Variants in CTCFL observed in about 807,000 individuals in gnomAD.
The protein encoded by CTCFL is transcriptional repressor CTCFL.
A neutral mutation model predicts 67.4 loss-of-function variants in CTCFL; 36 were observed. The ratio of observed to expected loss-of-function variants is 0.53; its 90% CI spans 0.41 to 0.71. The LOEUF (loss-of-function observed/expected upper bound fraction) is 0.71, where lower values mean the gene tolerates loss of function less well. Ranked by LOEUF, CTCFL falls within the 30% of genes least tolerant of loss-of-function variation. CTCFL has a pLI of 0.00. For missense variants in CTCFL, 786 were observed against 835.2 expected, an observed-to-expected ratio of 0.94 and a Z score of 0.73; for synonymous variants, 324 against 302.3, an observed-to-expected ratio of 1.07 and a Z score of -0.75.
At position 57,498,522 on chromosome 20, in the gene CTCFL, G is replaced by T; in HGVS notation, c.*28C>A. 1 of 1,600,266 alleles carries T rather than the reference G, an allele frequency of 6.2e-7. No individual in the cohort carries two copies. The highest frequency in any genetic ancestry group is 8.5e-7 in the Non-Finnish European group (1 of 1,171,196). ...CTTCTAACTTGCTTTAGGAATTGGG[G>T]GCAGTGAACACGCAACCCGAATCCC... On this transcript the variant is annotated 3_prime_UTR_variant, in exon 11 of 11. Coordinates refer to ENST00000243914, the MANE Select transcript of CTCFL (RefSeq NM_001386993.1).
rs2068271763 is a variant in CTCFL, at chr20:57,507,460, A to T, written c.1674+1146T>A. 6.2e-6 allele frequency: 4 copies of T among 646,704 alleles called. No homozygotes were observed. The South Asian group carries it at 6.8e-5, about 11-fold the overall frequency. The allele number at this position is 646,704 out of a possible 1,614,324, so 40.1% of individuals were successfully genotyped here. On this transcript the variant is annotated intron_variant, in intron 9 of 10. Coordinates refer to ENST00000243914, the MANE Select transcript of CTCFL (RefSeq NM_001386993.1). ...TTATCCACCTGCCTTGGCCTCCCGA[A>T]GTACTGGGATTACAGGTGTGAGCCC...
chr20:57,503,694 A>G (rs1358489250), intron 9 of CTCFL, 93 bp from the exon 10 acceptor site: 2 of 1,382,226 alleles, frequency 1.4e-6, no homozygotes, highest in Non-Finnish European at 2.0e-6. Flanking sequence ...ATGGAAAGAA[A>G]GAAAAATCCT....
intron 9 of CTCFL, among the ~76,000 whole-genome samples, chr20:57,506,307 T>G (rs1458392959): frequency 4.0e-5 from 6 of 150,106 alleles, no homozygotes; most frequent in African/African-American, 1.5e-4. Flanking sequence ...TTAACTGTTT[T>G]GTTTTGTTTT....
chr20:57,513,678 T>C, intron 7 of CTCFL: 1 of 1,188,578 alleles, frequency 8.4e-7, no homozygotes, highest in South Asian at 1.6e-5. Flanking sequence ...ATGGTCCAGA[T>C]GAAAAATAAA....
rs909097278 is a variant in CTCFL, at chr20:57,506,948, C to A, written c.1674+1658G>T. On this transcript the variant is annotated intron_variant, in intron 9 of 10. Coordinates refer to ENST00000243914, the MANE Select transcript of CTCFL (RefSeq NM_001386993.1). ...TCCCACTGTGCTACTCAGAAAAACA[C>A]AACTACACTACTGTTTTAAGAAGAA... is the stretch of plus-strand genomic sequence containing the variant. 5 of 984,872 alleles carry A rather than the reference C, an allele frequency of 5.1e-6. No individual in the cohort carries two copies. In the African/African-American group the frequency reaches 7.0e-5, roughly 14 times the overall value. The allele number at this position is 984,872 out of a possible 1,614,324, so 61.0% of individuals were successfully genotyped here. A position where few individuals can be genotyped will look rare whatever the true frequency, so the allele number is the denominator to read the frequency against.
At chr20:57,504,936 C>T (rs1235707109) in intron 9 of CTCFL, among the ~76,000 whole-genome samples, 1 of 151,930 alleles carries the variant, frequency 6.6e-6, no homozygotes. Flanking sequence ...TTGTCTGTAG[C>T]TTCTGCTTCC....
chr20:57,519,042 G>C (rs1384713400), intron 4 of CTCFL, 151 bp from the exon 5 acceptor site: 4 of 1,211,510 alleles, frequency 3.3e-6, no homozygotes, highest in Non-Finnish European at 4.6e-6. Context: ...ATGCATGTGA[G>C]AAAAATCTTT....
chr20:57,503,292 C>G, intron 10 of CTCFL, 144 bp downstream of exon 10: 11 of 918,884 alleles, frequency 1.2e-5, no homozygotes, highest in Non-Finnish European at 1.8e-5. Flanking sequence ...TCTGAGAGAT[C>G]TGGCACAAGC....
At chr20:57,503,634 G>T (rs6128059) in intron 9 of CTCFL, 33 bp from the exon 10 acceptor site, 3 of 1,611,026 alleles carry the variant, frequency 1.9e-6, no homozygotes, top group Non-Finnish European at 2.5e-6. Flanking sequence ...CACACAAGGC[G>T]AGTGAGATGG....
At chr20:57,512,807 G>GCT (rs2068651153) in intron 7 of CTCFL, 55 bp from the exon 8 acceptor site, 1 of 1,549,134 alleles carries the variant, frequency 6.5e-7, no homozygotes, top group Non-Finnish European at 8.9e-7. Context: ...CTGTTAGCCT[G>GCT]CTTCCCCTCT....
rs1178996152 is a variant in CTCFL at position 57,497,885 on chromosome 20, AAGTAAAATC to A, written c.*656_*664del. The A allele has an allele frequency of 1.0e-5, 10 of 970,300 alleles. No individual in the cohort carries two copies. The South Asian group carries it at 4.3e-4, about 42-fold the overall frequency. The allele number at this position is 970,300 out of a possible 1,614,324, so 60.1% of individuals were successfully genotyped here. ...AAAGGTGAACCTTGCTCCTATACCA[AAGTAAAATC>A]GATTTATTCCTTATTTTCTAGTCTA... On this transcript the variant is annotated 3_prime_UTR_variant, in exon 11 of 11. Coordinates refer to ENST00000243914, the MANE Select transcript of CTCFL (RefSeq NM_001386993.1).
chr20:57,502,419 T>C (rs536678277), intron 10 of CTCFL, among the ~76,000 whole-genome samples: 8 of 152,196 alleles, frequency 5.3e-5, no homozygotes, highest in African/African-American at 7.2e-5. Context: ...TCACTGTGTA[T>C]CTGAAATTCA....
chr20:57,500,295 T>A, intron 10 of CTCFL: 1 of 733,036 alleles, frequency 1.4e-6, no homozygotes, highest in Non-Finnish European at 1.9e-6. Flanking sequence ...CTACTAAAAA[T>A]AATAGAACAA....
intron 9 of CTCFL, 151 bp downstream of exon 9, chr20:57,508,455 A>T: frequency 1.5e-6 from 1 of 662,400 alleles, no homozygotes. Context: ...GATTTTAAAA[A>T]ACTAATAACC....
chr20:57,512,867 T>G, intron 7 of CTCFL, 115 bp from the exon 8 acceptor site: 1 of 953,634 alleles, frequency 1.0e-6, no homozygotes, highest in Non-Finnish European at 1.6e-6. Flanking sequence ...GCTAGTTCCT[T>G]CCTGGGCAGG....
rs936227408 is a variant in CTCFL, at chr20:57,503,509, C to G, written c.1767G>C (p.Gln589His). 1 of 1,614,104 alleles carries G rather than the reference C, an allele frequency of 6.2e-7. No homozygotes were observed. Among genetic ancestry groups the G allele is most frequent in the East Asian group, 2.2e-5 (1 of 44,898 alleles). ...GKGRRTRKRK[Q>H]TILKEATKGQ... Reference sequence around the variant, plus strand: ...CCTTTGTGGCTTCCTTCAGGATGGTCTGCTTCCTCTTTCTTGTTCTTCTTC... The same window carrying G: ...CCTTTGTGGCTTCCTTCAGGATGGTGTGCTTCCTCTTTCTTGTTCTTCTTC... Residue 589 changes from glutamine (Q) to histidine (H), a missense_variant, in exon 10 of 11, where the codon CAG (glutamine) becomes CAC (histidine). Gln to His is a conservative substitution (Grantham distance 24). This residue lies in a region of CTCFL where 199 missense variants were observed against 196.7 expected (regional missense o/e 1.01). Transcript: ENST00000243914.
chr20:57,515,075 G>A, intron 6 of CTCFL: 1 of 266,350 alleles, frequency 3.8e-6, no homozygotes. Context: ...TGTTACAAAA[G>A]CAGCACACTT....
chr20:57,503,648 A>C (rs761932459), intron 9 of CTCFL, 47 bp from the exon 10 acceptor site: 8 of 1,600,212 alleles, frequency 5.0e-6, no homozygotes, highest in Middle Eastern at 1.7e-4. Flanking sequence ...GAGATGGGGC[A>C]GGGACCCCTC....
In CTCFL at chr20:57,508,773, C is replaced by T. The variant is rs748531204; in HGVS notation, c.1507G>A (p.Ala503Thr). Residue 503 changes from alanine (A) to threonine (T), a missense_variant, in exon 9 of 11, where the codon GCT (alanine) becomes ACT (threonine). Physicochemically the swap from Ala to Thr is moderately conservative, Grantham distance 58 (BLOSUM62 0). This residue lies in a region of CTCFL where 254 missense variants were observed against 333.9 expected (regional missense o/e 0.76). Transcript: ENST00000243914. Reference protein sequence around the residue: ...YACKQERHMTAHIRTHTGEKP... With the variant: ...YACKQERHMTTHIRTHTGEKP... ...TCTCCAGTGTGGGTACGAATGTGAG[C>T]GGTCATATGACGTTCCTAAGAGGGA... 14 of 1,613,860 alleles carry T rather than the reference C, an allele frequency of 8.7e-6. No individual in the cohort carries two copies. The highest frequency in any genetic ancestry group is 2.2e-5 in the East Asian group (1 of 44,898).
Sources: allele counts gnomAD v4.1 joint callset (sites outside exome capture counted in the v4.1 genomes callset), GRCh38; gene constraint gnomAD v4.1.1; regional missense constraint gnomAD v4.1.1; transcripts MANE v1.5; gene names NCBI Gene and HGNC (gene_info 2026-07-23, HGNC 2026-07-21).